The following SKP2 variants were observed in gnomAD, a reference collection of about 807,000 sequenced individuals.
SKP2 encodes the protein S-phase kinase-associated protein 2.
A neutral mutation model predicts 51.8 loss-of-function variants in SKP2; 16 were observed. The observed-to-expected ratio is 0.31, with a 90% confidence interval of 0.21 to 0.47. The LOEUF (loss-of-function observed/expected upper bound fraction) is 0.47. Ranked by LOEUF, SKP2 falls within the 20% of genes least tolerant of loss-of-function variation. SKP2 has a pLI of 1.00. For missense variants in SKP2, 377 were observed against 505.3 expected (o/e 0.75, Z 2.43); for synonymous variants, 176 against 198.6 (o/e 0.89, Z 0.96).
intron 6 of SKP2, among the ~76,000 whole-genome samples, chr5:36,190,307 C>T (rs571081320): frequency 1.1e-4 from 17 of 152,234 alleles, no homozygotes; most frequent in East Asian, 9.7e-4. Flanking sequence ...TATTCTGCGT[C>T]GCTCACACTG....
intron 3 of SKP2, among the ~76,000 whole-genome samples, chr5:36,166,135 A>C (rs756179177): frequency 1.3e-4 from 20 of 152,248 alleles, no homozygotes; most frequent in African/African-American, 2.4e-4. Context: ...AAATAGATTT[A>C]AAACTTCTTA....
At chr5:36,176,859 A>T in intron 7 of SKP2, 106 bp from the exon 8 acceptor site, 1 of 703,726 alleles carries the variant, frequency 1.4e-6, no homozygotes, top group Admixed American at 2.7e-5. Context: ...TTCTAATTGC[A>T]TTGCCCTGAA....
Position 36,168,420 on chromosome 5 carries a change from G to A in SKP2, c.644G>A (p.Gly215Asp). The A allele has an allele frequency of 6.2e-7, 1 of 1,614,202 alleles. No individual in the cohort carries two copies. Among genetic ancestry groups the A allele is most frequent in the Non-Finnish European group, 8.5e-7 (1 of 1,180,022 alleles). Reference protein sequence around the residue: ...CSKLQNLSLEGLRLSDPIVNT... With the variant: ...CSKLQNLSLEDLRLSDPIVNT... ...AAGTTGCAGAATCTAAGCCTGGAAG[G>A]CCTGCGGCTTTCGGATCCCATTGTC... Residue 215 changes from glycine (G) to aspartate (D), a missense_variant, in exon 5 of 10, where the codon GGC becomes GAC. This residue lies in a region of SKP2 where 262 missense variants were observed against 389.8 expected (regional missense o/e 0.67). Coordinates refer to ENST00000274255, the MANE Select transcript of SKP2 (RefSeq NM_005983.4).
chr5:36,171,493 A>G (rs1745470800), intron 6 of SKP2, 110 bp from the exon 7 acceptor site: 2 of 1,008,848 alleles, frequency 2.0e-6, no homozygotes, highest in Non-Finnish European at 3.0e-6. Context: ...TGTTCTGTGC[A>G]TGAAATGATA....
Position 36,182,944 on chromosome 5 carries a change from G to A in SKP2, c.*913G>A. On this transcript the variant is annotated 3_prime_UTR_variant, in exon 10 of 10. Coordinates refer to ENST00000274255, the MANE Select transcript of SKP2 (RefSeq NM_005983.4). Reference sequence around the variant, plus strand: ...GCCTGCTGTTTTCCTTTAGCGCTGAGGTTCTTAAGGTTACTTTTATATTAC... The same window carrying A: ...GCCTGCTGTTTTCCTTTAGCGCTGAAGTTCTTAAGGTTACTTTTATATTAC... 1.0e-6 allele frequency: 1 copy of A among 972,594 alleles called. No individual in the cohort carries two copies. The highest frequency in any genetic ancestry group is 1.2e-6 in the Non-Finnish European group (1 of 818,522). 60.2% of individuals were successfully genotyped at this position (972,594 alleles called of 1,614,324 possible).
At chr5:36,154,978 A>T (rs1431782079) in intron 2 of SKP2, 1 of 152,178 alleles carries the variant, frequency 6.6e-6, no homozygotes, top group African/African-American at 2.4e-5. Flanking sequence ...CAGGTGGGGG[A>T]TGATGGCGAA....
In SKP2 at chr5:36,183,082, T is replaced by C. The variant is rs1350876930; in HGVS notation, c.*1051T>C. On this transcript the variant is annotated 3_prime_UTR_variant, in exon 10 of 10. Transcript: ENST00000274255. ...AGACCTACAGTTCCCTAAGAGGAACTGCATGTTCTCTTCAATCAGAAATAT... is the reference window on the plus strand; with the variant it reads ...AGACCTACAGTTCCCTAAGAGGAACCGCATGTTCTCTTCAATCAGAAATAT... The C allele has an allele frequency of 1.0e-5, 10 of 983,452 alleles. No homozygotes were observed. Among genetic ancestry groups the C allele is most frequent in the Middle Eastern group, 5.2e-4 (1 of 1,932 alleles). The allele number at this position is 983,452 out of a possible 1,614,324, so 60.9% of individuals were successfully genotyped here. A position where few individuals can be genotyped will look rare whatever the true frequency, so the allele number is the denominator to read the frequency against.
downstream of SKP2, among the ~76,000 whole-genome samples, chr5:36,184,925 T>C (rs1028456864): frequency 7.9e-5 from 12 of 152,212 alleles, no homozygotes; most frequent in Admixed American, 2.6e-4. Flanking sequence ...CCAGTATCTG[T>C]TGTTTCCTGA....
downstream of SKP2, among the ~76,000 whole-genome samples, chr5:36,185,698 C>G (rs1745947113): frequency 2.6e-5 from 4 of 152,106 alleles, no homozygotes; most frequent in Admixed American, 2.6e-4. Flanking sequence ...ATGCCTCCAG[C>G]TTTGTTCTTT....
chr5:36,155,079 C>T (rs969818239), intron 2 of SKP2: 12 of 152,110 alleles, frequency 7.9e-5, no homozygotes, highest in Non-Finnish European at 1.5e-4. Flanking sequence ...GTTTCCTTTG[C>T]AGAAGGGTTG....
At position 36,183,083 on chromosome 5, in the gene SKP2, G is replaced by A. The variant is rs927527427; in HGVS notation, c.*1052G>A. ...GACCTACAGTTCCCTAAGAGGAACT[G>A]CATGTTCTCTTCAATCAGAAATATA... On this transcript the variant is annotated 3_prime_UTR_variant, in exon 10 of 10. Coordinates refer to ENST00000274255, the MANE Select transcript of SKP2 (RefSeq NM_005983.4). 6.1e-6 allele frequency: 6 copies of A among 983,234 alleles called. No individual in the cohort carries two copies. The highest frequency in any genetic ancestry group is 6.2e-5 in the Admixed American group (1 of 16,246). 60.9% of individuals were successfully genotyped at this position (983,234 alleles called of 1,614,324 possible).
chr5:36,170,497 C>A, intron 6 of SKP2, 55 bp downstream of exon 6: 1 of 1,059,198 alleles, frequency 9.4e-7, no homozygotes, highest in South Asian at 1.4e-5. Context: ...TAAAATTATC[C>A]CTCACATCTG....
rs765690406 is a variant in SKP2 at position 36,168,465 on chromosome 5, T to C, written c.671+18T>C. ...ATTGTCAAGTGAGTGGCAGGCAGAG[T>C]GTCACAAAGGCAGTTGATTTTATGT... On this transcript the variant is annotated intron_variant, in intron 5 of 9. Coordinates refer to ENST00000274255, the MANE Select transcript of SKP2 (RefSeq NM_005983.4). 1 of 1,613,732 alleles carries C rather than the reference T, an allele frequency of 6.2e-7. No individual in the cohort carries two copies. The highest frequency in any genetic ancestry group is 1.3e-5 in the African/African-American group (1 of 75,028).
chr5:36,172,560 A>C (rs1561538261), intron 7 of SKP2, among the ~76,000 whole-genome samples: 1 of 152,198 alleles, frequency 6.6e-6, no homozygotes, highest in Non-Finnish European at 1.5e-5. Context: ...AACACACATC[A>C]ACCATATCTT....
chr5:36,181,962 C>T lies in SKP2; in HGVS notation c.1206C>T (p.Gly402=), dbSNP rs1361320113. The T allele has an allele frequency of 1.2e-6, 2 of 1,614,104 alleles. No homozygotes were observed. Among genetic ancestry groups the T allele is most frequent in the Admixed American group, 1.7e-5 (1 of 60,020 alleles). The change falls in exon 10 of 10, where the codon GGC becomes GGT. Residue 402 remains glycine (G), a synonymous_variant. Coordinates refer to ENST00000274255, the MANE Select transcript of SKP2 (RefSeq NM_005983.4). ...CCACCATTGCCAGGCCAACTATTGG[C>T]AACAAAAAGAACCAGGAGATATGGG... The part of the protein sequence containing the change: ...HFTTIARPTI[G]NKKNQEIWGI...
Position 36,152,169 on chromosome 5 carries a change from C to G in SKP2, c.-94C>G, listed in dbSNP as rs889374644. On this transcript the variant is annotated 5_prime_UTR_variant, in exon 1 of 10. Transcript: ENST00000274255. ...CTGGCTGCTGGGGGCCCGAGCAGCA[C>G]GCTCGGAGCCGCCGCGCGCCAAAGC... The G allele has an allele frequency of 4.4e-6, 6 of 1,359,142 alleles. No individual in the cohort carries two copies. The East Asian group carries it at 9.2e-5, about 21-fold the overall frequency. 84.2% of individuals were successfully genotyped at this position (1,359,142 alleles called of 1,614,324 possible). A position where few individuals can be genotyped will look rare whatever the true frequency, so the allele number is the denominator to read the frequency against.
chr5:36,153,350 C>G (rs977592363), intron 2 of SKP2, among the ~76,000 whole-genome samples: 2 of 152,136 alleles, frequency 1.3e-5, no homozygotes, highest in African/African-American at 4.8e-5. Flanking sequence ...CTCAGTTTCA[C>G]CGTTTAACAG....
chr5:36,190,683 C>CAAAAAAAAAAAAA (rs70973094), intron 6 of SKP2, among the ~76,000 whole-genome samples: 40 of 81,170 alleles, frequency 4.9e-4, no homozygotes, highest in African/African-American at 9.6e-4. Context: ...CAAACATATG[C>CAAAAAAAAAAAAA]AAAAAAAAAA....
chr5:36,158,100 A>G (rs967219620), intron 2 of SKP2, among the ~76,000 whole-genome samples: 7 of 152,200 alleles, frequency 4.6e-5, no homozygotes, highest in African/African-American at 1.7e-4. Context: ...CTGGCCCTGA[A>G]GTATATTTAA....
Sources: gnomAD v4.1 joint callset for allele counts (sites outside exome capture counted in the v4.1 genomes callset) on GRCh38, gnomAD v4.1.1 for gene constraint, gnomAD v4.1.1 regional missense constraint, MANE v1.5 for transcripts, NCBI Gene and HGNC (gene_info 2026-07-23, HGNC 2026-07-21) for gene names.